Variants in SYT16 observed in about 807,000 individuals in gnomAD.
The protein encoded by SYT16 is synaptotagmin-16.
SYT16 carries 42 observed loss-of-function variants against 61.4 expected under a neutral mutation model. The ratio of observed to expected loss-of-function variants is 0.68; its 90% CI spans 0.53 to 0.89. The LOEUF (loss-of-function observed/expected upper bound fraction) is 0.89, where lower values mean the gene tolerates loss of function less well. Among genes scored for constraint, SYT16 ranks in the 40% least tolerant of loss-of-function variants. SYT16 has a pLI of 0.00. For synonymous variants in SYT16, 314 were observed against 302.3 expected (o/e 1.04, Z -0.40); for missense variants, 804 against 807.3 (o/e 1.00, Z 0.05).
intron 1 of SYT16, among the ~76,000 whole-genome samples, chr14:61,890,558 T>G (rs1179537026): frequency 6.6e-6 from 1 of 152,150 alleles, no homozygotes; most frequent in Non-Finnish European, 1.5e-5. Flanking sequence ...TTTTTACTTC[T>G]TTTTAAAAGA....
At position 62,069,782 on chromosome 14, in the gene SYT16, G is replaced by T; in HGVS notation, c.703G>T (p.Gly235Ter). ...ATTCAGCCGTTCGTTGTTGACACAC[G>T]GAGAAGATGGCACAGAAGTATCTGC... ...PKFSRSLLTH[G>*]EDGTEVSACE... Residue 235 changes from glycine (G) to a stop codon, truncating the protein, a stop_gained, in exon 4 of 8, where the codon GGA (glycine) becomes TGA (stop). Coordinates refer to ENST00000683842, the MANE Select transcript of SYT16 (RefSeq NM_001367656.1). LOFTEE classifies it high-confidence loss of function. 1 of 1,613,964 alleles carries T rather than the reference G, an allele frequency of 6.2e-7. No homozygotes were observed.
intron 1 of SYT16, among the ~76,000 whole-genome samples, chr14:61,910,391 A>G (rs2048885216): frequency 6.6e-6 from 1 of 151,836 alleles, no homozygotes; most frequent in African/African-American, 2.4e-5. Flanking sequence ...GGCGCCAGCC[A>G]CCATGCCCGG....
chr14:62,022,617 TACACACAC>T (rs34287414), intron 3 of SYT16, among the ~76,000 whole-genome samples: 10 of 149,744 alleles, frequency 6.7e-5, no homozygotes, highest in South Asian at 2.1e-4. Flanking sequence ...TAATTTGTAT[TACACACAC>T]ACACACACAC....
chr14:61,940,998 C>T (rs532215283), intron 1 of SYT16, among the ~76,000 whole-genome samples: 9 of 152,296 alleles, frequency 5.9e-5, no homozygotes, highest in African/African-American at 1.4e-4. Context: ...GCCCCTTTCC[C>T]GTGCAGAAGG....
intron 1 of SYT16, among the ~76,000 whole-genome samples, chr14:61,908,489 G>T (rs917853365): frequency 5.9e-5 from 9 of 152,038 alleles, no homozygotes; most frequent in African/African-American, 2.2e-4. Flanking sequence ...TCGGGAATAG[G>T]AATTAGATGA....
chr14:61,832,689 C>T (rs893089053), intron 1 of SYT16, among the ~76,000 whole-genome samples: 12 of 152,288 alleles, frequency 7.9e-5, no homozygotes, highest in Non-Finnish European at 1.3e-4. Context: ...CCGCCCACCT[C>T]GGCCTCTCAA....
intron 3 of SYT16, among the ~76,000 whole-genome samples, chr14:62,005,697 A>G (rs1020692563): frequency 6.6e-6 from 1 of 152,176 alleles, no homozygotes; most frequent in African/African-American, 2.4e-5. Context: ...TTCTCTATAA[A>G]GAGAGGTGTT....
rs1397565463 is a variant in SYT16 at position 62,075,363 on chromosome 14, C to T, written c.965C>T (p.Thr322Ile). The change falls in exon 5 of 8, where the codon ACT (threonine) becomes ATT (isoleucine). Residue 322 changes from threonine (T) to isoleucine (I), a missense_variant. Physicochemically the swap from Thr to Ile is moderately conservative, Grantham distance 89 (BLOSUM62 -1). Coordinates refer to ENST00000683842, the MANE Select transcript of SYT16 (RefSeq NM_001367656.1). Reference protein sequence around the residue: ...NSRGFEDSYATDSSSMWSPEE... With the variant: ...NSRGFEDSYAIDSSSMWSPEE... ...CGGGGATTTGAAGATTCCTATGCCA[C>T]TGACAGCTCCTCCATGTGGAGTCCA... The T allele has an allele frequency of 6.2e-7, 1 of 1,613,526 alleles. No individual in the cohort carries two copies. The highest frequency in any genetic ancestry group is 8.5e-7 in the Non-Finnish European group (1 of 1,179,618).
chr14:62,020,999 C>A (rs759656955), intron 3 of SYT16, among the ~76,000 whole-genome samples: 1 of 152,120 alleles, frequency 6.6e-6, no homozygotes, highest in Non-Finnish European at 1.5e-5. Flanking sequence ...CTCTCTATGT[C>A]GGTGCCCTGC....
chr14:61,984,971 T>A (rs545427131), intron 2 of SYT16, among the ~76,000 whole-genome samples: 2 of 152,238 alleles, frequency 1.3e-5, no homozygotes, highest in South Asian at 4.2e-4. Context: ...CTGAGAGACA[T>A]CATGTACCAC....
At chr14:61,855,861 T>C (rs1441626508) in intron 1 of SYT16, among the ~76,000 whole-genome samples, 3 of 152,254 alleles carry the variant, frequency 2.0e-5, no homozygotes, top group African/African-American at 7.2e-5. Context: ...TCCAGTCCTT[T>C]TGTAATAAAC....
At chr14:62,046,622 A>C (rs1317667895) in intron 3 of SYT16, among the ~76,000 whole-genome samples, 1 of 152,188 alleles carries the variant, frequency 6.6e-6, no homozygotes, top group Non-Finnish European at 1.5e-5. Context: ...TCTTGAATTA[A>C]TTTTTATATA....
intron 3 of SYT16, among the ~76,000 whole-genome samples, chr14:62,055,084 T>G (rs2055489261): frequency 6.6e-6 from 1 of 152,084 alleles, no homozygotes; most frequent in Non-Finnish European, 1.5e-5. Context: ...AGAGAAATAT[T>G]GGGGGTTTGG....
chr14:61,923,773 T>A (rs1566684040), intron 1 of SYT16, among the ~76,000 whole-genome samples: 1 of 151,932 alleles, frequency 6.6e-6, no homozygotes, highest in East Asian at 1.9e-4. Context: ...TTTGGTTTTT[T>A]AAAAAAAAGT....
chr14:62,006,920 A>G (rs1020732159), intron 3 of SYT16, among the ~76,000 whole-genome samples: 3 of 152,184 alleles, frequency 2.0e-5, no homozygotes, highest in Admixed American at 6.6e-5. Context: ...GCACATTGGC[A>G]TATAGAACTT....
intron 1 of SYT16, among the ~76,000 whole-genome samples, chr14:61,856,583 G>A (rs1594767280): frequency 6.6e-6 from 1 of 152,116 alleles, no homozygotes; most frequent in Non-Finnish European, 1.5e-5. Flanking sequence ...TGGAAGGAGC[G>A]GGTTTGGGCG....
intron 1 of SYT16, among the ~76,000 whole-genome samples, chr14:61,960,677 T>C (rs972923949): frequency 6.6e-6 from 1 of 152,196 alleles, no homozygotes; most frequent in Non-Finnish European, 1.5e-5. Flanking sequence ...CTCTTCCTAT[T>C]TGAATGCTCT....
chr14:61,840,673 A>G (rs563466483), intron 1 of SYT16, among the ~76,000 whole-genome samples: 101 of 152,114 alleles, frequency 6.6e-4, no homozygotes, highest in African/African-American at 2.4e-3. Flanking sequence ...CAAATCTTTA[A>G]AACAGCAGTG....
rs1203408068 is a variant in SYT16 at position 62,052,681 on chromosome 14, G to T, written c.524-16922G>T. ...TGGTACTTAGAAGTAGAGTGTTTGG[G>T]AATTAATTAGGTCATGGAGGTGGAG... On this transcript the variant is annotated intron_variant, in intron 3 of 7. Transcript: ENST00000683842. 3.9e-5 allele frequency among the ~76,000 whole-genome samples: 6 copies of T among 152,290 alleles called. No individual in the cohort carries two copies. The East Asian group carries it at 1.2e-3, about 29-fold the overall frequency.
Sources: gnomAD v4.1 joint callset for allele counts (sites outside exome capture counted in the v4.1 genomes callset) on GRCh38, gnomAD v4.1.1 for gene constraint, MANE v1.5 for transcripts, NCBI Gene and HGNC (gene_info 2026-07-23, HGNC 2026-07-21) for gene names.